PAMR1: variants seen among roughly 807,000 people sequenced by gnomAD.
The protein encoded by PAMR1 is peptidase domain containing associated with muscle regeneration 1.
PAMR1 carries 88 observed loss-of-function variants against 81.8 expected under a neutral mutation model. The ratio of observed to expected loss-of-function variants is 1.08; its 90% CI spans 0.91 to 1.28. The LOEUF is 1.28. PAMR1 is among the 50% of genes most tolerant of loss of function. PAMR1 has a pLI of 0.00. For synonymous variants in PAMR1, 336 were observed against 345.3 expected (o/e 0.97, Z 0.30); for missense variants, 935 against 919.7 (o/e 1.02, Z -0.21).
chr11:35,503,795 A>G (rs563215057), intron 1 of PAMR1, among the ~76,000 whole-genome samples: 1 of 152,078 alleles, frequency 6.6e-6, no homozygotes, highest in South Asian at 2.1e-4. Flanking sequence ...TTTAAATATA[A>G]GATTATTTGG....
chr11:35,474,715 C>T lies in PAMR1; in HGVS notation c.409G>A (p.Gly137Ser), dbSNP rs1218080404. The change falls in exon 4 of 11, where the codon GGT becomes AGT. Residue 137 changes from glycine (G) to serine (S), a missense_variant. Gly to Ser is a moderately conservative substitution (Grantham distance 56). Coordinates refer to ENST00000619888, the MANE Select transcript of PAMR1 (RefSeq NM_001001991.3). ...RCGQVLRAPK[G>S]QILLESYPLN... is the part of the protein sequence containing the mutation. ...GGATAGCTTTCCAACAAAATCTGAC[C>T]CTTTGGGGCTCGCAGAACCTGGCCA... 3.1e-6 allele frequency: 5 copies of T among 1,610,678 alleles called. No homozygotes were observed. Among genetic ancestry groups the T allele is most frequent in the Non-Finnish European group, 3.4e-6 (4 of 1,178,686 alleles).
At chr11:35,525,694 G>T, upstream of PAMR1, 2 of 886,946 alleles carry the variant, frequency 2.3e-6, no homozygotes, top group Non-Finnish European at 3.6e-6. Context: ...CAGCTGAGCG[G>T]GAGCTCGGGT....
rs1850893561 is a variant in PAMR1, at chr11:35,503,495, C to T, written c.74-9223G>A. Reference sequence around the variant, plus strand: ...TGTCATTTTAATGGTATTAATTCTCCCAATCCATAAGCATGCAATATCTTT... The same window carrying T: ...TGTCATTTTAATGGTATTAATTCTCTCAATCCATAAGCATGCAATATCTTT... On this transcript the variant is annotated intron_variant, in intron 1 of 10. Transcript: ENST00000619888. Among the ~76,000 whole-genome samples the T allele has an allele frequency of 2.0e-5, 3 of 151,938 alleles. No individual in the cohort carries two copies. In the South Asian group the frequency reaches 6.2e-4, roughly 32 times the overall value.
intron 1 of PAMR1, among the ~76,000 whole-genome samples, chr11:35,500,758 T>C (rs565209549): frequency 6.6e-6 from 1 of 152,350 alleles, no homozygotes; most frequent in South Asian, 2.1e-4. Flanking sequence ...TGGCATAGCC[T>C]ACTACACACC....
chr11:35,451,905 G>C (rs961679181), intron 6 of PAMR1: 1 of 703,906 alleles, frequency 1.4e-6, no homozygotes, highest in Non-Finnish European at 2.6e-6. Context: ...TGAATCTTCT[G>C]ACGCCTTGAT....
intron 1 of PAMR1, among the ~76,000 whole-genome samples, chr11:35,515,030 A>G (rs1038469654): frequency 3.9e-5 from 6 of 152,214 alleles, no homozygotes; most frequent in Admixed American, 1.3e-4. Flanking sequence ...AAACTTGGCT[A>G]TACAATTCAA....
At chr11:35,486,065 G>A (rs779546113) in intron 3 of PAMR1, among the ~76,000 whole-genome samples, 6 of 152,244 alleles carry the variant, frequency 3.9e-5, no homozygotes, top group African/African-American at 4.8e-5. Flanking sequence ...CCAGTATGAG[G>A]TGAGGGTGAT....
At chr11:35,464,766 C>G (rs767185716) in intron 6 of PAMR1, among the ~76,000 whole-genome samples, 8 of 152,186 alleles carry the variant, frequency 5.3e-5, no homozygotes, top group African/African-American at 1.9e-4. Flanking sequence ...ACAATGTTCT[C>G]TTTTTATTCT....
At chr11:35,462,347 T>C (rs1286418811) in intron 6 of PAMR1, among the ~76,000 whole-genome samples, 1 of 152,206 alleles carries the variant, frequency 6.6e-6, no homozygotes, top group Non-Finnish European at 1.5e-5. Context: ...TTCCTGGGAT[T>C]CAGTATTTCT....
chr11:35,474,412 T>C (rs1254559134), intron 4 of PAMR1, among the ~76,000 whole-genome samples: 1 of 152,226 alleles, frequency 6.6e-6, no homozygotes, highest in Non-Finnish European at 1.5e-5. Flanking sequence ...ACGTTATCCT[T>C]GGGTCAAAAT....
At position 35,438,412 on chromosome 11, in the gene PAMR1, T is replaced by A. The variant is rs142677717; in HGVS notation, c.1100+1215A>T. Among the ~76,000 whole-genome samples, 1,371 of 152,262 alleles carry A rather than the reference T, an allele frequency of 9.0e-3. 11 individuals carry two copies. Among genetic ancestry groups the A allele is most frequent in the Middle Eastern group, 0.017 (5 of 294 alleles). On this transcript the variant is annotated intron_variant, in intron 8 of 10. Coordinates refer to ENST00000619888, the MANE Select transcript of PAMR1 (RefSeq NM_001001991.3). The stretch of plus-strand genomic sequence containing the variant: ...TGTTAGCTATTAGGGTTGCATATAA[T>A]CCTTGAAACAATCCCCAGAGACAGA...
At chr11:35,500,161 C>T (rs551586488) in intron 1 of PAMR1, among the ~76,000 whole-genome samples, 3 of 152,214 alleles carry the variant, frequency 2.0e-5, no homozygotes, top group Admixed American at 1.3e-4. Flanking sequence ...CTGACCTTCA[C>T]GGCTGGAAGG....
At chr11:35,500,427 G>GA (rs1299595570) in intron 1 of PAMR1, among the ~76,000 whole-genome samples, 4 of 151,586 alleles carry the variant, frequency 2.6e-5, no homozygotes, top group Non-Finnish European at 4.4e-5. Context: ...GAATACAATA[G>GA]AAAAAAAATA....
In PAMR1 at chr11:35,431,906, T is replaced by C. The variant is rs1461712470; in HGVS notation, c.*450A>G. 2 of 176,580 alleles carry C rather than the reference T, an allele frequency of 1.1e-5. No homozygotes were observed. The highest frequency in any genetic ancestry group is 4.8e-5 in the African/African-American group (2 of 41,966). The allele number at this position is 176,580 out of a possible 1,614,324, so 10.9% of individuals were successfully genotyped here. On this transcript the variant is annotated 3_prime_UTR_variant, in exon 11 of 11. Coordinates refer to ENST00000619888, the MANE Select transcript of PAMR1 (RefSeq NM_001001991.3). ...GAAGGAAAAGGACCAGACTGTACTG[T>C]GGCCATGTACACAAAGGCATGCACC...
intron 3 of PAMR1, among the ~76,000 whole-genome samples, chr11:35,480,098 T>C (rs148934760): frequency 6.6e-6 from 1 of 152,310 alleles, no homozygotes; most frequent in African/African-American, 2.4e-5. Context: ...AGGAATATCA[T>C]CTGTCCTGTT....
Position 35,434,750 on chromosome 11 carries a change from G to T in PAMR1, c.1388C>A (p.Pro463Gln). 6.2e-7 allele frequency: 1 copy of T among 1,614,084 alleles called. No homozygotes were observed. The highest frequency in any genetic ancestry group is 2.2e-5 in the East Asian group (1 of 44,878). Reference protein sequence around the residue: ...TAPKTQGLRWPWQAAIYRRTS... With the variant: ...TAPKTQGLRWQWQAAIYRRTS... ...CCTCCTGTAGATGGCTGCCTGCCAC[G>T]GCCAGCGCAACCCTTGGGTCTTTGG... Residue 463 changes from proline to glutamine, a missense_variant, in exon 10 of 11, where the codon CCG becomes CAG. Transcript: ENST00000619888.
chr11:35,492,128 C>A lies in PAMR1; in HGVS notation c.296G>T (p.Trp99Leu), dbSNP rs780246012. The A allele has an allele frequency of 1.1e-5, 17 of 1,614,012 alleles. No individual in the cohort carries two copies. Among genetic ancestry groups the A allele is most frequent in the African/African-American group, 6.7e-5 (5 of 74,928 alleles). ...ENCKSCRNGS[W>L]GGTLDDFYVK... ...ATAGAAGTCATCCAAGGTACCCCCC[C>A]ATGAGCCATTTCGGCAGCTCTTGCA... Residue 99 changes from tryptophan to leucine, a missense_variant, in exon 3 of 11, where the codon TGG becomes TTG. Coordinates refer to ENST00000619888, the MANE Select transcript of PAMR1 (RefSeq NM_001001991.3).
At position 35,492,120 on chromosome 11, in the gene PAMR1, T is replaced by C; in HGVS notation, c.304A>G (p.Thr102Ala). Reference protein sequence around the residue: ...KSCRNGSWGGTLDDFYVKGFY... With the variant: ...KSCRNGSWGGALDDFYVKGFY... ...CCCTTCACATAGAAGTCATCCAAGGTACCCCCCCATGAGCCATTTCGGCAG... is the reference window on the plus strand; with the variant it reads ...CCCTTCACATAGAAGTCATCCAAGGCACCCCCCCATGAGCCATTTCGGCAG... The change falls in exon 3 of 11, where the codon ACC (threonine) becomes GCC (alanine). Residue 102 changes from threonine (T) to alanine (A), a missense_variant. Coordinates refer to ENST00000619888, the MANE Select transcript of PAMR1 (RefSeq NM_001001991.3). 1 of 1,614,054 alleles carries C rather than the reference T, an allele frequency of 6.2e-7. No individual in the cohort carries two copies. Among genetic ancestry groups the C allele is most frequent in the Non-Finnish European group, 8.5e-7 (1 of 1,179,952 alleles).
chr11:35,514,526 A>C (rs1851128900), intron 1 of PAMR1, among the ~76,000 whole-genome samples: 1 of 152,210 alleles, frequency 6.6e-6, no homozygotes, highest in South Asian at 2.1e-4. Flanking sequence ...CCCAAACTCT[A>C]GGAGCTTGAA....
Sources: allele counts gnomAD v4.1 joint callset (sites outside exome capture counted in the v4.1 genomes callset), GRCh38; gene constraint gnomAD v4.1.1; transcripts MANE v1.5; gene names NCBI Gene and HGNC (gene_info 2026-07-23, HGNC 2026-07-21).